TOX2: variants seen among roughly 807,000 people sequenced by gnomAD.
The protein encoded by TOX2 is granulosa cell HMG box 1.
A neutral mutation model predicts 47.4 loss-of-function variants in TOX2; 15 were observed. That is an observed-to-expected ratio of 0.32 (90% CI 0.21 to 0.49). TOX2 has a LOEUF of 0.49. Among genes scored for constraint, TOX2 ranks in the 20% least tolerant of loss-of-function variants. The probability of loss-of-function intolerance (pLI) is 0.99; values close to 1 mark genes in which losing one functional copy is unlikely to be tolerated. For missense variants in TOX2, 622 were observed against 673.1 expected (o/e 0.92, Z 0.84); for synonymous variants, 290 against 296.6 (o/e 0.98, Z 0.23).
intron 1 of TOX2, among the ~76,000 whole-genome samples, chr20:43,933,594 G>T (rs1459783110): frequency 6.6e-6 from 1 of 152,216 alleles, no homozygotes; most frequent in African/African-American, 2.4e-5. Flanking sequence ...GAGGTTTGGT[G>T]GGGAGTGATT....
At chr20:44,054,871 A>T (rs1439394604) in intron 5 of TOX2, among the ~76,000 whole-genome samples, 1 of 152,154 alleles carries the variant, frequency 6.6e-6, no homozygotes, top group African/African-American at 2.4e-5. Flanking sequence ...TTCCTATCCC[A>T]CTGACCATGT....
At chr20:44,001,782 G>A (rs566436745) in intron 2 of TOX2, among the ~76,000 whole-genome samples, 9 of 152,314 alleles carry the variant, frequency 5.9e-5, no homozygotes, top group South Asian at 2.1e-4. Flanking sequence ...GCTGAGGGGC[G>A]TGTAGTATGC....
chr20:43,985,115 G>A (rs569742890), intron 2 of TOX2, among the ~76,000 whole-genome samples: 40 of 152,224 alleles, frequency 2.6e-4, no homozygotes, highest in Non-Finnish European at 4.9e-4. Context: ...TCCTGGTTCC[G>A]GCCCCTCCTC....
intron 2 of TOX2, among the ~76,000 whole-genome samples, chr20:44,002,368 C>T (rs1332064546): frequency 6.6e-6 from 1 of 152,148 alleles, no homozygotes; most frequent in African/African-American, 2.4e-5. Flanking sequence ...TGGGGAAGTC[C>T]CCACCATCTC....
intron 1 of TOX2, chr20:43,955,055 A>T (rs2069644138): frequency 2.7e-5 from 5 of 187,042 alleles, no homozygotes; most frequent in Non-Finnish European, 5.0e-5. Flanking sequence ...ATCTGACCTG[A>T]GCTGACGCGA....
chr20:43,957,497 G>A (rs79988089), intron 1 of TOX2, among the ~76,000 whole-genome samples: 15 of 151,130 alleles, frequency 9.9e-5, no homozygotes, highest in African/African-American at 2.2e-4. Context: ...TCCTAGGACC[G>A]TTGTCAAGAT....
chr20:44,038,491 G>A (rs181725803), intron 3 of TOX2, among the ~76,000 whole-genome samples: 9 of 152,122 alleles, frequency 5.9e-5, no homozygotes, highest in East Asian at 3.9e-4. Context: ...ATTCTACATC[G>A]TATACATCTG....
At chr20:44,022,979 G>A (rs2070998882) in intron 3 of TOX2, among the ~76,000 whole-genome samples, 1 of 151,446 alleles carries the variant, frequency 6.6e-6, no homozygotes, top group South Asian at 2.1e-4. Context: ...ATATGTAAGA[G>A]GAGAGAGAGA....
intron 1 of TOX2, chr20:43,946,047 C>A (rs372658560): frequency 1.9e-6 from 3 of 1,613,056 alleles, no homozygotes; most frequent in Admixed American, 1.7e-5. Context: ...AGGTAAGCAG[C>A]GGGTGCCCAC....
intron 1 of TOX2, among the ~76,000 whole-genome samples, chr20:43,969,688 C>T (rs2069928508): frequency 1.3e-5 from 2 of 152,354 alleles, no homozygotes; most frequent in Middle Eastern, 3.4e-3. Flanking sequence ...ACTGCTGCTC[C>T]GCAGCTGGTT....
chr20:43,973,503 G>A (rs2070015364), intron 2 of TOX2, 71 bp downstream of exon 2: 6 of 1,429,828 alleles, frequency 4.2e-6, no homozygotes, highest in Admixed American at 3.5e-5. Context: ...GTTCCTGGGT[G>A]GAGGTAGGGG....
At chr20:43,990,666 A>G (rs1266713504) in intron 2 of TOX2, among the ~76,000 whole-genome samples, 1 of 152,166 alleles carries the variant, frequency 6.6e-6, no homozygotes, top group African/African-American at 2.4e-5. Flanking sequence ...GACTTGGTCC[A>G]GGAGGCCTTG....
intron 2 of TOX2, among the ~76,000 whole-genome samples, chr20:44,004,107 CA>C (rs1455138186): frequency 1.3e-5 from 2 of 152,094 alleles, no homozygotes; most frequent in African/African-American, 4.8e-5. Flanking sequence ...TGAGAGATGT[CA>C]GGGGGTGAGT....
At chr20:43,928,997 A>AAAAAAACAAC (rs540054093) in intron 1 of TOX2, among the ~76,000 whole-genome samples, 5 of 149,556 alleles carry the variant, frequency 3.3e-5, no homozygotes, top group African/African-American at 1.0e-4. Context: ...AAAAAAAAAA[A>AAAAAAACAAC]AACAACAACA....
intron 3 of TOX2, among the ~76,000 whole-genome samples, chr20:44,038,472 A>G (rs1025449568): frequency 2.0e-5 from 3 of 152,230 alleles, no homozygotes; most frequent in African/African-American, 7.2e-5. Context: ...TGTTGCCATC[A>G]GAAGATTGAT....
In TOX2 at chr20:44,068,659, C is replaced by G; in HGVS notation, c.1494C>G (p.Pro498=). Residue 498 remains proline (P), a synonymous_variant, in exon 9 of 9, where the codon CCC becomes CCG. Transcript: ENST00000341197. ...ECGISTCSLL[P]RDKSLYLT is the part of the protein sequence containing the mutation. ...CTCCTCTCTCTCACAGCCTGCTCCC[C>G]AGGGACAAATCGCTCTACCTCACCT... is the stretch of plus-strand genomic sequence containing the variant. 1.2e-6 allele frequency: 2 copies of G among 1,613,338 alleles called. No individual in the cohort carries two copies. Among genetic ancestry groups the G allele is most frequent in the Non-Finnish European group, 1.7e-6 (2 of 1,179,388 alleles).
chr20:44,000,230 C>T (rs2070551206), intron 2 of TOX2, among the ~76,000 whole-genome samples: 1 of 152,180 alleles, frequency 6.6e-6, no homozygotes, highest in South Asian at 2.1e-4. Context: ...CAGGATAATT[C>T]TGGCCCTGGG....
chr20:44,043,600 C>T (rs546190109), intron 3 of TOX2, among the ~76,000 whole-genome samples: 1 of 152,324 alleles, frequency 6.6e-6, no homozygotes, highest in African/African-American at 2.4e-5. Context: ...GGTTAACCGT[C>T]TACAGAATTC....
At position 43,994,411 on chromosome 20, in the gene TOX2, A is replaced by T. The variant is rs1029179064; in HGVS notation, c.166-12136A>T. Among the ~76,000 whole-genome samples the T allele has an allele frequency of 7.6e-4, 112 of 147,196 alleles. 2 individuals are homozygous for T. Among genetic ancestry groups the T allele is most frequent in the Non-Finnish European group, 3.3e-4 (22 of 67,430 alleles). ...GAGTCAGAGGCTGCAGTGAGCCAAG[A>T]TCATGCTATTGCACTCTAGCCTGGG... is the stretch of plus-strand genomic sequence containing the variant. On this transcript the variant is annotated intron_variant, in intron 2 of 8. Transcript: ENST00000341197.
Sources: allele counts gnomAD v4.1 joint callset (sites outside exome capture counted in the v4.1 genomes callset), GRCh38; gene constraint gnomAD v4.1.1; transcripts MANE v1.5; gene names NCBI Gene and HGNC (gene_info 2026-07-23, HGNC 2026-07-21).